PTPRD: variants seen among roughly 807,000 people sequenced by gnomAD.
PTPRD encodes protein tyrosine phosphatase receptor type D.
Under a neutral mutation model 214.5 loss-of-function variants are expected in PTPRD, and 34 were observed. The ratio of observed to expected loss-of-function variants is 0.16; its 90% CI spans 0.12 to 0.21. The LOEUF is 0.21. Ranked by LOEUF, PTPRD falls within the 10% of genes least tolerant of loss-of-function variation. PTPRD has a pLI of 1.00. For synonymous variants in PTPRD, 1,128 were observed against 845.7 expected, an observed-to-expected ratio of 1.33 and a Z score of -5.79; for missense variants, 2,545 against 2,398.7, an observed-to-expected ratio of 1.06 and a Z score of -1.27.
At chr9:9,911,913 C>A (rs2079303811) in intron 5 of PTPRD, among the ~76,000 whole-genome samples, 1 of 152,004 alleles carries the variant, frequency 6.6e-6, no homozygotes, top group African/African-American at 2.4e-5. Flanking sequence ...ACAAAGAGAT[C>A]ATCTGTTTTT....
intron 10 of PTPRD, among the ~76,000 whole-genome samples, chr9:9,107,151 A>C (rs950665248): frequency 2.0e-5 from 3 of 152,208 alleles, no homozygotes; most frequent in Admixed American, 6.6e-5. Flanking sequence ...GTATTGTAGG[A>C]ATAGAGTGTA....
intron 10 of PTPRD, among the ~76,000 whole-genome samples, chr9:9,039,713 A>G (rs2099633328): frequency 6.6e-6 from 1 of 152,180 alleles, no homozygotes; most frequent in Non-Finnish European, 1.5e-5. Flanking sequence ...TCACCCAACA[A>G]TATTTTGACT....
chr9:8,706,032 C>T (rs773411946), intron 12 of PTPRD, among the ~76,000 whole-genome samples: 1 of 152,122 alleles, frequency 6.6e-6, no homozygotes, highest in Non-Finnish European at 1.5e-5. Context: ...GCTATCTTGT[C>T]GACCAGAAAA....
At chr9:9,159,796 T>A (rs1474041302) in intron 10 of PTPRD, among the ~76,000 whole-genome samples, 2 of 152,170 alleles carry the variant, frequency 1.3e-5, no homozygotes, top group Non-Finnish European at 2.9e-5. Flanking sequence ...TCACGCTTCA[T>A]GATTTCAAAA....
At chr9:9,220,141 G>A (rs994548921) in intron 9 of PTPRD, among the ~76,000 whole-genome samples, 4 of 151,972 alleles carry the variant, frequency 2.6e-5, no homozygotes, top group African/African-American at 9.7e-5. Context: ...ATATTTGGAT[G>A]AAAATAAATC....
At chr9:9,289,238 TACAA>T (rs1205492794) in intron 9 of PTPRD, among the ~76,000 whole-genome samples, 7 of 151,876 alleles carry the variant, frequency 4.6e-5, no homozygotes, top group African/African-American at 1.2e-4. Context: ...AAAATTGTCA[TACAA>T]ACAGTGATAC....
chr9:9,807,791 A>T (rs2045902426), intron 5 of PTPRD, among the ~76,000 whole-genome samples: 1 of 152,216 alleles, frequency 6.6e-6, no homozygotes, highest in Non-Finnish European at 1.5e-5. Context: ...CATGATGCTA[A>T]CATCATTAGG....
At chr9:8,428,574 G>A (rs895327663) in intron 35 of PTPRD, among the ~76,000 whole-genome samples, 7 of 152,104 alleles carry the variant, frequency 4.6e-5, no homozygotes, top group Admixed American at 3.3e-4. Context: ...CATAAAAGAT[G>A]AAAACAGATC....
At chr9:10,372,916 C>G (rs986015990) in intron 2 of PTPRD, among the ~76,000 whole-genome samples, 3 of 150,666 alleles carry the variant, frequency 2.0e-5, no homozygotes, top group African/African-American at 7.3e-5. Flanking sequence ...GTGGTGCGAT[C>G]TTGGCTTCCG....
intron 24 of PTPRD, 101 bp from the exon 25 acceptor site, chr9:8,499,941 G>A: frequency 1.0e-6 from 1 of 973,630 alleles, no homozygotes; most frequent in Non-Finnish European, 1.4e-6. Flanking sequence ...TTCAAAAAAT[G>A]GGTAAACCCA....
intron 8 of PTPRD, among the ~76,000 whole-genome samples, chr9:9,401,804 C>G (rs568764692): frequency 2.0e-5 from 3 of 151,914 alleles, no homozygotes; most frequent in African/African-American, 7.3e-5. Context: ...TGAGTTCTCA[C>G]GAGATCTGGT....
chr9:9,819,455 G>A (rs2049953140), intron 5 of PTPRD, among the ~76,000 whole-genome samples: 2 of 152,106 alleles, frequency 1.3e-5, no homozygotes, highest in African/African-American at 4.8e-5. Context: ...AATTTCTACT[G>A]CATATATTGC....
At chr9:8,656,814 G>C (rs1320965591) in intron 12 of PTPRD, among the ~76,000 whole-genome samples, 1 of 152,130 alleles carries the variant, frequency 6.6e-6, no homozygotes, top group Non-Finnish European at 1.5e-5. Context: ...AACTCATCCA[G>C]TTCCTTAGAT....
intron 11 of PTPRD, among the ~76,000 whole-genome samples, chr9:8,942,101 T>G (rs2099037669): frequency 1.3e-5 from 2 of 151,834 alleles, no homozygotes; most frequent in African/African-American, 4.9e-5. Context: ...CCACTGCGCC[T>G]GGCCTATAAT....
intron 8 of PTPRD, among the ~76,000 whole-genome samples, chr9:9,524,491 A>T (rs2073542451): frequency 6.6e-6 from 1 of 152,196 alleles, no homozygotes; most frequent in Admixed American, 6.5e-5. Context: ...TCTATCATTT[A>T]AACTGTAGAA....
At chr9:9,433,084 G>T (rs979623590) in intron 8 of PTPRD, among the ~76,000 whole-genome samples, 1 of 152,106 alleles carries the variant, frequency 6.6e-6, no homozygotes, top group Non-Finnish European at 1.5e-5. Flanking sequence ...GATAGGACAA[G>T]GTAGATAAGG....
chr9:10,386,407 C>T (rs2097914892), intron 2 of PTPRD, among the ~76,000 whole-genome samples: 1 of 151,870 alleles, frequency 6.6e-6, no homozygotes, highest in Non-Finnish European at 1.5e-5. Flanking sequence ...CCTCCATCAT[C>T]AATCTTTATC....
chr9:9,175,509 G>A (rs1392603929), intron 10 of PTPRD, among the ~76,000 whole-genome samples: 1 of 150,940 alleles, frequency 6.6e-6, no homozygotes, highest in Non-Finnish European at 1.5e-5. Flanking sequence ...TGTAATCCCA[G>A]CTACTCAGGA....
intron 30 of PTPRD, among the ~76,000 whole-genome samples, chr9:8,476,285 T>C (rs548955207): frequency 2.0e-5 from 3 of 152,282 alleles, no homozygotes; most frequent in Non-Finnish European, 2.9e-5. Context: ...CAGTTCACAA[T>C]AGGGTTCATG....
Sources: allele counts gnomAD v4.1 joint callset (sites outside exome capture counted in the v4.1 genomes callset), GRCh38; gene constraint gnomAD v4.1.1; transcripts MANE v1.5; gene names NCBI Gene and HGNC (gene_info 2026-07-23, HGNC 2026-07-21).